The following UNC5C variants were observed in gnomAD, a reference collection of about 807,000 sequenced individuals.
The protein encoded by UNC5C is unc-5 netrin receptor C.
UNC5C carries 47 observed loss-of-function variants against 99.8 expected under a neutral mutation model. The ratio of observed to expected loss-of-function variants is 0.47; its 90% CI spans 0.37 to 0.60. The LOEUF (loss-of-function observed/expected upper bound fraction) is 0.60, where lower values mean the gene tolerates loss of function less well. UNC5C is among the 20% of genes least tolerant of loss of function. The probability of loss-of-function intolerance (pLI) is 0.00; values close to 1 mark genes in which losing one functional copy is unlikely to be tolerated. For synonymous variants in UNC5C, 487 were observed against 452.2 expected, an observed-to-expected ratio of 1.08 and a Z score of -0.98; for missense variants, 1,062 against 1,165.9, an observed-to-expected ratio of 0.91 and a Z score of 1.30.
chr4:95,218,942 T>C, intron 9 of UNC5C, 27 bp downstream of exon 9: 1 of 1,546,404 alleles, frequency 6.5e-7, no homozygotes, highest in Non-Finnish European at 8.7e-7. Context: ...AAGCTGCCTC[T>C]TTGCAATTTA....
At chr4:95,196,616 T>TA (rs2149357732) in intron 12 of UNC5C, among the ~76,000 whole-genome samples, 1 of 150,366 alleles carries the variant, frequency 6.7e-6, no homozygotes, top group Non-Finnish European at 1.5e-5. Context: ...GGAAAATTGT[T>TA]ACAAAAGCTG....
At chr4:95,313,279 T>G (rs1742337288) in intron 2 of UNC5C, among the ~76,000 whole-genome samples, 1 of 152,140 alleles carries the variant, frequency 6.6e-6, no homozygotes, top group South Asian at 2.1e-4. Context: ...CTAGGGAAGT[T>G]GGTTCTTTGG....
intron 1 of UNC5C, among the ~76,000 whole-genome samples, chr4:95,382,695 G>C (rs558661001): frequency 2.1e-4 from 32 of 152,216 alleles, no homozygotes; most frequent in African/African-American, 7.2e-4. Flanking sequence ...TCTACTCTCT[G>C]TCTCTGTCCT....
intron 1 of UNC5C, among the ~76,000 whole-genome samples, chr4:95,531,029 G>A (rs1722626536): frequency 6.6e-6 from 1 of 152,156 alleles, no homozygotes; most frequent in Non-Finnish European, 1.5e-5. Flanking sequence ...GTCTAATGTT[G>A]TTAAATCATC....
chr4:95,490,764 G>A (rs1721460028), intron 1 of UNC5C, among the ~76,000 whole-genome samples: 1 of 151,622 alleles, frequency 6.6e-6, no homozygotes, highest in African/African-American at 2.4e-5. Flanking sequence ...TTGTGCTAAA[G>A]GACAAACAGT....
intron 6 of UNC5C, among the ~76,000 whole-genome samples, chr4:95,244,556 C>A (rs1739434016): frequency 6.6e-6 from 1 of 152,122 alleles, no homozygotes; most frequent in Admixed American, 6.5e-5. Context: ...AAACTGACAC[C>A]AAATATAAAA....
chr4:95,360,437 G>T (rs1236262218), intron 1 of UNC5C, among the ~76,000 whole-genome samples: 2 of 152,130 alleles, frequency 1.3e-5, no homozygotes, highest in African/African-American at 4.8e-5. Flanking sequence ...CTGCTCCACA[G>T]AGTAAGAGAT....
intron 14 of UNC5C, among the ~76,000 whole-genome samples, chr4:95,174,068 C>A (rs1736234887): frequency 6.6e-6 from 1 of 152,148 alleles, no homozygotes. Context: ...GTTTGTATTT[C>A]TGTGGGATCA....
chr4:95,278,481 C>CTTT, intron 3 of UNC5C, 119 bp from the exon 4 acceptor site: 1 of 588,900 alleles, frequency 1.7e-6, no homozygotes. Context: ...TTTCTTTTTT[C>CTTT]TTTTTTTTTT....
chr4:95,525,153 G>C (rs1055394571), intron 1 of UNC5C, among the ~76,000 whole-genome samples: 3 of 152,106 alleles, frequency 2.0e-5, no homozygotes, highest in Non-Finnish European at 4.4e-5. Context: ...ACATACATAA[G>C]AGCAGCAATT....
intron 1 of UNC5C, among the ~76,000 whole-genome samples, chr4:95,340,915 C>A (rs1366470394): frequency 1.3e-5 from 2 of 152,018 alleles, no homozygotes; most frequent in Non-Finnish European, 2.9e-5. Flanking sequence ...ACACATTTAC[C>A]CCCTTTTGCA....
intron 1 of UNC5C, among the ~76,000 whole-genome samples, chr4:95,427,463 C>A (rs1422760236): frequency 2.0e-5 from 3 of 152,150 alleles, no homozygotes; most frequent in Non-Finnish European, 4.4e-5. Flanking sequence ...CGGCAAACTT[C>A]ACTGTTCTCT....
intron 11 of UNC5C, among the ~76,000 whole-genome samples, chr4:95,204,471 G>A (rs1737801813): frequency 6.6e-6 from 1 of 152,230 alleles, no homozygotes; most frequent in African/African-American, 2.4e-5. Flanking sequence ...CTCAGCCTCT[G>A]CTGGGCTTCG....
chr4:95,179,407 AACTT>A (rs918303938), intron 14 of UNC5C, among the ~76,000 whole-genome samples: 4 of 152,230 alleles, frequency 2.6e-5, no homozygotes, highest in African/African-American at 7.2e-5. Context: ...GCAAATATAA[AACTT>A]AATTATAATT....
intron 1 of UNC5C, among the ~76,000 whole-genome samples, chr4:95,383,292 T>TACACACAC (rs1560812848): frequency 5.4e-5 from 8 of 147,020 alleles, no homozygotes; most frequent in African/African-American, 1.9e-4. Flanking sequence ...CACACACACT[T>TACACACAC]ATTTATTGTT....
chr4:95,250,415 C>T (rs1739654919), intron 5 of UNC5C, 72 bp downstream of exon 5: 1 of 1,496,164 alleles, frequency 6.7e-7, no homozygotes, highest in African/African-American at 1.4e-5. Flanking sequence ...AAAAGGGCTT[C>T]TAGCTTTACC....
intron 8 of UNC5C, among the ~76,000 whole-genome samples, 181 bp from the exon 9 acceptor site, chr4:95,219,494 G>T (rs1295682227): frequency 6.6e-6 from 1 of 152,120 alleles, no homozygotes; most frequent in Non-Finnish European, 1.5e-5. Flanking sequence ...TTTATTATTG[G>T]CTGTAAGTAA....
At chr4:95,356,597 C>T (rs745372157) in intron 1 of UNC5C, among the ~76,000 whole-genome samples, 14 of 152,266 alleles carry the variant, frequency 9.2e-5, no homozygotes, top group Middle Eastern at 3.4e-3. Context: ...ATCATACACA[C>T]AAATGGCAGT....
intron 7 of UNC5C, among the ~76,000 whole-genome samples, chr4:95,234,381 C>CT (rs35325293): frequency 1.2e-4 from 18 of 150,448 alleles, no homozygotes; most frequent in African/African-American, 2.2e-4. Context: ...AATCGCTTAC[C>CT]TTTTTTTTAT....
Sources: gnomAD v4.1 joint callset for allele counts (sites outside exome capture counted in the v4.1 genomes callset) on GRCh38, gnomAD v4.1.1 for gene constraint, MANE v1.5 for transcripts, NCBI Gene and HGNC (gene_info 2026-07-23, HGNC 2026-07-21) for gene names.